PCNX2: variants seen among roughly 807,000 people sequenced by gnomAD.
PCNX2 encodes the protein pecanex 2.
Under a neutral mutation model 223.8 loss-of-function variants are expected in PCNX2, and 168 were observed. That is an observed-to-expected ratio of 0.75 (90% confidence interval 0.66 to 0.85). The LOEUF (loss-of-function observed/expected upper bound fraction) is 0.85, where lower values mean the gene tolerates loss of function less well. Ranked by LOEUF, PCNX2 falls within the 40% of genes least tolerant of loss-of-function variation. The pLI is 0.00. For missense variants in PCNX2, 2,507 were observed against 2,675.5 expected, an observed-to-expected ratio of 0.94 and a Z score of 1.39; for synonymous variants, 1,006 against 1,052.6, an observed-to-expected ratio of 0.96 and a Z score of 0.86.
intron 20 of PCNX2, 82 bp from the exon 21 acceptor site, chr1:233,135,272 G>A (rs922518424): frequency 2.2e-6 from 3 of 1,387,022 alleles, no homozygotes; most frequent in Non-Finnish European, 2.9e-6. Flanking sequence ...AATTCTCCAG[G>A]ATTGATGGTT....
chr1:233,051,335 A>C (rs1671996097), intron 25 of PCNX2, among the ~76,000 whole-genome samples: 1 of 152,170 alleles, frequency 6.6e-6, no homozygotes, highest in South Asian at 2.1e-4. Flanking sequence ...CAGCAATCCC[A>C]TTACCGGGTA....
intron 8 of PCNX2, among the ~76,000 whole-genome samples, chr1:233,246,560 T>G (rs767832402): frequency 2.6e-5 from 4 of 152,186 alleles, no homozygotes; most frequent in Non-Finnish European, 4.4e-5. Context: ...TAATTTAACA[T>G]TTAGCTTAGT....
Position 233,049,402 on chromosome 1 carries a change from A to C in PCNX2, c.4351+4866T>G, listed in dbSNP as rs61823475. The stretch of plus-strand genomic sequence containing the variant: ...ACAAAAACCACATGATCATATCACT[A>C]GACATGAAAAAAACCTTTCAATAAA... On this transcript the variant is annotated intron_variant, in intron 25 of 33. Transcript: ENST00000258229. 7.1e-3 allele frequency among the ~76,000 whole-genome samples: 1,088 copies of C among 152,344 alleles called. 4 individuals carry two copies. Among genetic ancestry groups the C allele is most frequent in the Non-Finnish European group, 0.01 (684 of 68,032 alleles).
chr1:233,053,988 T>C (rs1672099449), intron 25 of PCNX2, among the ~76,000 whole-genome samples: 1 of 152,208 alleles, frequency 6.6e-6, no homozygotes, highest in South Asian at 2.1e-4. Context: ...CTGTGGCTTC[T>C]GAGTTTTTCC....
At chr1:233,103,213 C>A (rs934369574) in intron 21 of PCNX2, among the ~76,000 whole-genome samples, 2 of 151,992 alleles carry the variant, frequency 1.3e-5, no homozygotes, top group African/African-American at 4.8e-5. Context: ...GCATGCAATA[C>A]GTAATAATCA....
chr1:233,211,937 C>G (rs570611129), intron 12 of PCNX2: 9 of 348,682 alleles, frequency 2.6e-5, no homozygotes, highest in African/African-American at 2.0e-4. Context: ...AAAACCCAGA[C>G]ATTCTCTGCC....
At position 232,996,181 on chromosome 1, in the gene PCNX2, A is replaced by C. The variant is rs376855002; in HGVS notation, c.5791+2070T>G. Among the ~76,000 whole-genome samples, 22 of 152,212 alleles carry C rather than the reference A, an allele frequency of 1.4e-4. 3 individuals are homozygous for C. The highest frequency in any genetic ancestry group is 7.2e-4 in the Admixed American group (11 of 15,280). ...CCGGCCTCCAATTTCTTTTCTGCCA[A>C]GCTTCAAGAAACCAGGTCTGAAGCA... On this transcript the variant is annotated intron_variant, in intron 32 of 33. Coordinates refer to ENST00000258229, the MANE Select transcript of PCNX2 (RefSeq NM_014801.4).
At position 233,000,535 on chromosome 1, in the gene PCNX2, C is replaced by A; in HGVS notation, c.5098G>T (p.Asp1700Tyr). Residue 1700 changes from aspartate to tyrosine, a missense_variant and splice_region_variant, in exon 30 of 34, where the codon GAC becomes TAC. Asp to Tyr is a radical substitution (Grantham distance 160). Around this residue, in one of 3 missense-constraint regions of PCNX2, gnomAD observed 1,372 missense variants for 1,509.4 expected, o/e 0.91. Transcript: ENST00000258229. This position sits in a 1 kb window ranked among gnomAD's most constrained non-coding sequence, Gnocchi z 4.6. ...TACTCGTCAGGGCAAGTGAACTGGTCCTGGTGGGAAGAAGTGTGGGTGTGG... is the reference window on the plus strand; with the variant it reads ...TACTCGTCAGGGCAAGTGAACTGGTACTGGTGGGAAGAAGTGTGGGTGTGG... ...AIRMSLKLHQ[D>Y]QFTCPDEYED... 2 of 1,582,596 alleles carry A rather than the reference C, an allele frequency of 1.3e-6. No individual in the cohort carries two copies. Among genetic ancestry groups the A allele is most frequent in the South Asian group, 2.3e-5 (2 of 88,488 alleles).
At position 233,258,210 on chromosome 1, in the gene PCNX2, T is replaced by A; in HGVS notation, c.1652A>T (p.Asp551Val). ...LSKSSAEIVN[D>V]TEKTMPTSKS... ...GGAAGTTGGCATTGTTTTCTCTGTA[T>A]CGTTAACAATTTCTGCAGAACTTTT... Residue 551 changes from aspartate (D) to valine (V), a missense_variant, in exon 5 of 34, where the codon GAT becomes GTT. By Grantham distance (152) the Asp-to-Val change is radical (BLOSUM62 -3). Around this residue, in one of 3 missense-constraint regions of PCNX2, gnomAD observed 1,031 missense variants for 1,021.7 expected, o/e 1.01. Transcript: ENST00000258229. 1 of 1,613,994 alleles carries A rather than the reference T, an allele frequency of 6.2e-7. No individual in the cohort carries two copies. Among genetic ancestry groups the A allele is most frequent in the Non-Finnish European group, 8.5e-7 (1 of 1,179,888 alleles).
chr1:233,215,669 A>G (rs1682080211), intron 12 of PCNX2, among the ~76,000 whole-genome samples: 1 of 152,208 alleles, frequency 6.6e-6, no homozygotes, highest in South Asian at 2.1e-4. Flanking sequence ...ATGCAGAAAA[A>G]CAGCGACACT....
At chr1:233,324,656 A>G in the PCNX2 span, among the ~76,000 whole-genome samples, 1 of 141,904 alleles carries the variant, frequency 7.0e-6, no homozygotes, top group Non-Finnish European at 1.5e-5. Context: ...GCTGGAGTGC[A>G]CTGGCATGAT....
chr1:233,273,668 G>A (rs78517309), intron 1 of PCNX2, among the ~76,000 whole-genome samples: 13,367 of 150,748 alleles, frequency 0.089, 711 homozygotes, highest in South Asian at 0.17. Context: ...CTGTCGCCAG[G>A]GCCGAAGTGC....
the PCNX2 span, among the ~76,000 whole-genome samples, chr1:233,305,751 A>G: frequency 6.6e-6 from 1 of 152,232 alleles, no homozygotes; most frequent in Non-Finnish European, 1.5e-5. Context: ...CATTATGCCC[A>G]GCCTAGAAAC....
the PCNX2 span, among the ~76,000 whole-genome samples, chr1:233,302,155 C>T: frequency 0.24 from 35,774 of 152,008 alleles, 5,278 homozygotes; most frequent in East Asian, 0.42. Context: ...CAACAGTTCA[C>T]AAAACAGCAG....
chr1:233,089,293 C>T (rs149756033), intron 23 of PCNX2, among the ~76,000 whole-genome samples: 262 of 152,214 alleles, frequency 1.7e-3, no homozygotes, highest in African/African-American at 6.0e-3. Context: ...ACACATGGAG[C>T]AATGCAAAGG....
chr1:233,152,643 A>G (rs1677885669), intron 19 of PCNX2, among the ~76,000 whole-genome samples: 1 of 138,820 alleles, frequency 7.2e-6, no homozygotes, highest in South Asian at 2.1e-4. Flanking sequence ...GCATTCAGAT[A>G]GCACTATGAC....
intron 25 of PCNX2, among the ~76,000 whole-genome samples, chr1:233,036,153 G>A (rs553537000): frequency 5.4e-4 from 82 of 152,036 alleles, no homozygotes; most frequent in Non-Finnish European, 1.0e-3. Context: ...CAGCTTCCAC[G>A]TCATGGCGGG....
the PCNX2 span, among the ~76,000 whole-genome samples, chr1:233,301,295 G>C: frequency 6.6e-6 from 1 of 152,164 alleles, no homozygotes; most frequent in Admixed American, 6.5e-5. Flanking sequence ...AGAATTCATT[G>C]AGTAAAATAG....
chr1:233,095,695 G>T, intron 22 of PCNX2, 60 bp downstream of exon 22: 4 of 1,402,484 alleles, frequency 2.9e-6, no homozygotes, highest in African/African-American at 1.4e-5. Flanking sequence ...TCAATGAAAA[G>T]CTTGCTTCCG....
Sources: gnomAD v4.1 joint callset for allele counts (sites outside exome capture counted in the v4.1 genomes callset) on GRCh38, gnomAD v4.1.1 for gene constraint, gnomAD v4.1.1 regional missense constraint, Gnocchi (gnomAD v3.1) non-coding constraint, MANE v1.5 for transcripts, NCBI Gene and HGNC (gene_info 2026-07-23, HGNC 2026-07-21) for gene names.